Variants in ARHGEF4 observed in about 807,000 individuals in gnomAD.
ARHGEF4 encodes the protein APC-stimulated guanine nucleotide exchange factor 1.
Under a neutral mutation model 162.0 loss-of-function variants are expected in ARHGEF4, and 119 were observed. The ratio of observed to expected loss-of-function variants is 0.73; its 90% CI spans 0.63 to 0.86. The LOEUF (loss-of-function observed/expected upper bound fraction) is 0.86, where lower values mean the gene tolerates loss of function less well. Among genes scored for constraint, ARHGEF4 ranks in the 40% least tolerant of loss-of-function variants. ARHGEF4 has a pLI of 0.00. For missense variants in ARHGEF4, 2,488 were observed against 2,456.0 expected (o/e 1.01, Z -0.28); for synonymous variants, 1,014 against 979.9 (o/e 1.03, Z -0.65).
At chr2:130,968,367 A>C (rs1685135884) in intron 4 of ARHGEF4, among the ~76,000 whole-genome samples, 1 of 152,256 alleles carries the variant, frequency 6.6e-6, no homozygotes, top group Non-Finnish European at 1.5e-5. Flanking sequence ...GAAACCATTC[A>C]GAAGGAGGCT....
At chr2:130,854,462 C>T (rs1415174551) in intron 1 of ARHGEF4, among the ~76,000 whole-genome samples, 3 of 152,218 alleles carry the variant, frequency 2.0e-5, no homozygotes, top group African/African-American at 7.2e-5. Flanking sequence ...CTCTGATAGG[C>T]TGGTGCTTTG....
intron 4 of ARHGEF4, among the ~76,000 whole-genome samples, chr2:131,022,681 C>T (rs1689213508): frequency 6.7e-6 from 1 of 149,660 alleles, no homozygotes; most frequent in Admixed American, 6.6e-5. Context: ...ACAAAAACCC[C>T]ACACACAAAA....
intron 2 of ARHGEF4, among the ~76,000 whole-genome samples, chr2:130,924,604 C>T (rs1682116106): frequency 6.6e-6 from 1 of 152,190 alleles, no homozygotes; most frequent in South Asian, 2.1e-4. Flanking sequence ...TTAGAGATTT[C>T]TTTCCTCTGG....
intron 4 of ARHGEF4, among the ~76,000 whole-genome samples, chr2:130,992,812 A>T (rs988489686): frequency 7.2e-5 from 11 of 152,196 alleles, no homozygotes; most frequent in Admixed American, 7.2e-4. Context: ...GGCCAGGTTC[A>T]GTACATCACA....
At position 131,004,759 on chromosome 2, in the gene ARHGEF4, T is replaced by G. The variant is rs890068188; in HGVS notation, c.3986-23186T>G. On this transcript the variant is annotated intron_variant, in intron 4 of 13. Coordinates refer to ENST00000409359, the MANE Select transcript of ARHGEF4 (RefSeq NM_001367493.1). ...GGAGAGGATGAAGAATAGTCTGCCC[T>G]GGGGACACAACACACTTTGGCTGAA... Among the ~76,000 whole-genome samples the G allele has an allele frequency of 9.7e-4, 147 of 152,308 alleles. 1 individual carries two copies. The highest frequency in any genetic ancestry group is 3.5e-3 in the African/African-American group (144 of 41,560).
At chr2:131,034,359 C>T (rs1690074080) in intron 5 of ARHGEF4, among the ~76,000 whole-genome samples, 1 of 152,176 alleles carries the variant, frequency 6.6e-6, no homozygotes, top group Admixed American at 6.5e-5. Flanking sequence ...TGCACAAGAG[C>T]TTTGAAACCT....
intron 4 of ARHGEF4, among the ~76,000 whole-genome samples, chr2:130,961,777 G>A (rs1032034924): frequency 6.6e-6 from 1 of 152,092 alleles, no homozygotes; most frequent in African/African-American, 2.4e-5. Context: ...GGCCTGGGAG[G>A]GGTAGTGGGC....
At chr2:130,876,508 C>T (rs1678854917) in intron 1 of ARHGEF4, among the ~76,000 whole-genome samples, 1 of 152,212 alleles carries the variant, frequency 6.6e-6, no homozygotes, top group Non-Finnish European at 1.5e-5. Flanking sequence ...TCTCCTGCCT[C>T]AGCCTCCTGA....
chr2:130,905,563 T>G (rs1183702158), intron 1 of ARHGEF4, among the ~76,000 whole-genome samples: 2 of 152,166 alleles, frequency 1.3e-5, no homozygotes, highest in Non-Finnish European at 2.9e-5. Flanking sequence ...GAGTTTTCTT[T>G]TCTCCCCCAT....
Position 130,931,076 on chromosome 2 carries a change from T to G in ARHGEF4, c.3677T>G (p.Leu1226Arg). 1.2e-6 allele frequency: 2 copies of G among 1,614,172 alleles called. No homozygotes were observed. Among genetic ancestry groups the G allele is most frequent in the Non-Finnish European group, 8.5e-7 (1 of 1,180,016 alleles). The change falls in exon 3 of 14, where the codon CTC becomes CGC. Residue 1226 changes from leucine to arginine, a missense_variant. Transcript: ENST00000409359. ...FTTDMVTWAL[L>R]CISAETVRGE... is the part of the protein sequence containing the mutation. The stretch of plus-strand genomic sequence containing the variant: ...ACTGACATGGTGACATGGGCCCTCC[T>G]CTGCATCTCTGCAGAGACTGTGCGT...
chr2:131,040,144 C>T lies in ARHGEF4; in HGVS notation c.4434C>T (p.Ile1478=), dbSNP rs751350156. Residue 1478 remains isoleucine (I), a synonymous_variant, in exon 7 of 14, where the codon ATC becomes ATT. Transcript: ENST00000409359. ...TGCGGACCAACGTCATCAACGAGAT[C>T]CTCAGCACTGAGCGGGACTACATCA... ...DQMRTNVINE[I]LSTERDYIKH... 2.5e-6 allele frequency: 4 copies of T among 1,613,392 alleles called. No individual in the cohort carries two copies. Among genetic ancestry groups the T allele is most frequent in the Admixed American group, 1.7e-5 (1 of 59,982 alleles).
intron 1 of ARHGEF4, among the ~76,000 whole-genome samples, chr2:130,891,277 T>G (rs1390790279): frequency 6.6e-6 from 1 of 152,178 alleles, no homozygotes; most frequent in Non-Finnish European, 1.5e-5. Context: ...GGGGTGCAAA[T>G]ATACATGTAT....
Position 130,916,950 on chromosome 2 carries a change from G to T in ARHGEF4, c.3004G>T (p.Asp1002Tyr). The change falls in exon 2 of 14, where the codon GAT (aspartate) becomes TAT (tyrosine). Residue 1002 changes from aspartate to tyrosine, a missense_variant. Asp to Tyr is a radical substitution (Grantham distance 160). This residue lies in a region of ARHGEF4 where 1,642 missense variants were observed against 1,481.5 expected (regional missense o/e 1.11). Coordinates refer to ENST00000409359, the MANE Select transcript of ARHGEF4 (RefSeq NM_001367493.1). ...GGACAAAGAGGGCTATGTTTTTAGC[G>T]ATCACTGGGCACCCCCACTTGCCTC... ...AEDKEGYVFS[D>Y]HWAPPLASTP... 1.3e-6 allele frequency: 2 copies of T among 1,550,736 alleles called. No homozygotes were observed. The highest frequency in any genetic ancestry group is 1.7e-6 in the Non-Finnish European group (2 of 1,147,048).
intron 4 of ARHGEF4, among the ~76,000 whole-genome samples, chr2:130,958,262 T>G (rs1028673571): frequency 6.6e-6 from 1 of 151,886 alleles, no homozygotes; most frequent in Non-Finnish European, 1.5e-5. Context: ...TAGTCTGAAG[T>G]GGAGTCTCTG....
At chr2:130,987,623 AT>A (rs1460758506) in intron 4 of ARHGEF4, among the ~76,000 whole-genome samples, 1 of 152,124 alleles carries the variant, frequency 6.6e-6, no homozygotes, top group African/African-American at 2.4e-5. Flanking sequence ...CAGAGCACTG[AT>A]TAGTGCATTT....
intron 4 of ARHGEF4, among the ~76,000 whole-genome samples, chr2:130,970,188 G>A (rs557801302): frequency 3.2e-4 from 48 of 152,268 alleles, no homozygotes; most frequent in African/African-American, 5.5e-4. Flanking sequence ...TGGTAAGTGC[G>A]TGTTTCACTG....
rs746361579 is a variant in ARHGEF4 at position 131,046,531 on chromosome 2, G to A, written c.*342G>A. Reference sequence around the variant, plus strand: ...CAGCTGGGGAGAAGGCGCTACCTGCGTGGGACCCTCTTCTCTGGAAACCTA... The same window carrying A: ...CAGCTGGGGAGAAGGCGCTACCTGCATGGGACCCTCTTCTCTGGAAACCTA... On this transcript the variant is annotated 3_prime_UTR_variant, in exon 14 of 14. Transcript: ENST00000409359. 4 of 243,754 alleles carry A rather than the reference G, an allele frequency of 1.6e-5. No homozygotes were observed. Among genetic ancestry groups the A allele is most frequent in the South Asian group, 1.1e-4 (1 of 8,844 alleles). 15.1% of individuals were successfully genotyped at this position (243,754 alleles called of 1,614,324 possible). A position where few individuals can be genotyped will look rare whatever the true frequency, so the allele number is the denominator to read the frequency against.
chr2:130,983,617 A>C (rs1005981023), intron 4 of ARHGEF4, among the ~76,000 whole-genome samples: 12 of 151,990 alleles, frequency 7.9e-5, no homozygotes, highest in African/African-American at 2.9e-4. Flanking sequence ...TTAATGTATG[A>C]GTGCTCTTTT....
At chr2:130,990,758 TA>T (rs1445925476) in intron 4 of ARHGEF4, among the ~76,000 whole-genome samples, 1 of 152,098 alleles carries the variant, frequency 6.6e-6, no homozygotes, top group East Asian at 1.9e-4. Context: ...GCGATGGAGC[TA>T]AAGACCTTAC....
Sources: allele counts gnomAD v4.1 joint callset (sites outside exome capture counted in the v4.1 genomes callset), GRCh38; gene constraint gnomAD v4.1.1; regional missense constraint gnomAD v4.1.1; transcripts MANE v1.5; gene names NCBI Gene and HGNC (gene_info 2026-07-23, HGNC 2026-07-21).